CCSER1: variants seen among roughly 807,000 people sequenced by gnomAD.
CCSER1 encodes the protein serine-rich coiled-coil domain-containing protein 1.
A neutral mutation model predicts 82.0 loss-of-function variants in CCSER1; 41 were observed. The ratio of observed to expected loss-of-function variants is 0.50; its 90% CI spans 0.39 to 0.65. The LOEUF (loss-of-function observed/expected upper bound fraction) is 0.65. Among genes scored for constraint, CCSER1 ranks in the 30% least tolerant of loss-of-function variants. The pLI is 0.00. For missense variants in CCSER1, 1,119 were observed against 1,064.2 expected (o/e 1.05, Z -0.72); for synonymous variants, 414 against 383.9 (o/e 1.08, Z -0.92).
At chr4:90,271,596 T>C (rs1726284963) in intron 1 of CCSER1, among the ~76,000 whole-genome samples, 1 of 151,454 alleles carries the variant, frequency 6.6e-6, no homozygotes, top group African/African-American at 2.4e-5. Context: ...ATTTTTTGAG[T>C]AATACTCCAC....
chr4:91,155,236 A>T (rs1489833172), intron 10 of CCSER1, among the ~76,000 whole-genome samples: 1 of 151,904 alleles, frequency 6.6e-6, no homozygotes, highest in Admixed American at 6.6e-5. Context: ...TAATTGAATT[A>T]TAGGGGTAGA....
chr4:90,965,461 T>G (rs770567215), intron 9 of CCSER1, among the ~76,000 whole-genome samples: 1 of 152,088 alleles, frequency 6.6e-6, no homozygotes, highest in Non-Finnish European at 1.5e-5. Context: ...CTGCAAACCA[T>G]CAGATCGTTG....
At chr4:90,320,601 T>C (rs767318113) in intron 3 of CCSER1, among the ~76,000 whole-genome samples, 11 of 152,144 alleles carry the variant, frequency 7.2e-5, no homozygotes, top group East Asian at 1.9e-4. Context: ...AAATATAATA[T>C]CTTGGTCAAA....
At chr4:90,235,491 A>T (rs1234294877) in intron 1 of CCSER1, 1 of 152,236 alleles carries the variant, frequency 6.6e-6, no homozygotes, top group Non-Finnish European at 1.5e-5. Flanking sequence ...AAACAGGAAC[A>T]TAAACACTCG....
chr4:90,746,267 A>G (rs1747449676), intron 7 of CCSER1, among the ~76,000 whole-genome samples: 1 of 152,212 alleles, frequency 6.6e-6, no homozygotes, highest in Non-Finnish European at 1.5e-5. Context: ...GAACCAGTAC[A>G]TAGTATACTG....
intron 10 of CCSER1, among the ~76,000 whole-genome samples, chr4:91,585,785 A>G (rs77863171): frequency 6.6e-6 from 1 of 151,536 alleles, no homozygotes; most frequent in African/African-American, 2.4e-5. Flanking sequence ...TAGAAACCCA[A>G]TGATTAAAGA....
At chr4:91,179,913 G>C (rs565255994) in intron 10 of CCSER1, among the ~76,000 whole-genome samples, 1 of 152,194 alleles carries the variant, frequency 6.6e-6, no homozygotes, top group Admixed American at 6.5e-5. Context: ...CAGCTTTTCT[G>C]CTCTGGTTTC....
intron 3 of CCSER1, among the ~76,000 whole-genome samples, chr4:90,351,442 C>T (rs773991081): frequency 2.0e-5 from 3 of 151,986 alleles, no homozygotes; most frequent in Non-Finnish European, 4.4e-5. Context: ...ATGGAGAAAT[C>T]TCAAGTTGGA....
At chr4:90,318,270 C>T (rs1052826519) in intron 3 of CCSER1, among the ~76,000 whole-genome samples, 87 of 152,114 alleles carry the variant, frequency 5.7e-4, no homozygotes, top group African/African-American at 2.0e-3. Flanking sequence ...TACTTTTTTC[C>T]TTGACTCAAG....
intron 10 of CCSER1, among the ~76,000 whole-genome samples, chr4:91,434,275 G>C (rs563212183): frequency 6.6e-5 from 10 of 151,986 alleles, no homozygotes; most frequent in Non-Finnish European, 1.2e-4. Context: ...CTTAATTTAG[G>C]AATATCTTGT....
intron 8 of CCSER1, among the ~76,000 whole-genome samples, chr4:90,918,852 T>A (rs1727933450): frequency 6.6e-6 from 1 of 151,826 alleles, no homozygotes; most frequent in Admixed American, 6.6e-5. Flanking sequence ...TTAGATTGCT[T>A]GAACTGATAA....
chr4:91,219,816 A>G (rs1365364977), intron 10 of CCSER1, among the ~76,000 whole-genome samples: 2 of 152,170 alleles, frequency 1.3e-5, no homozygotes, highest in African/African-American at 4.8e-5. Flanking sequence ...ACCTAAATCC[A>G]TTAATTTTAA....
chr4:91,589,574 CTT>C (rs11411865), intron 10 of CCSER1, among the ~76,000 whole-genome samples: 16 of 144,616 alleles, frequency 1.1e-4, no homozygotes, highest in Admixed American at 1.4e-4. Flanking sequence ...ACAAGAGGCT[CTT>C]TTTTTTTTTT....
chr4:91,105,349 T>C (rs1725498391), intron 10 of CCSER1, among the ~76,000 whole-genome samples: 1 of 152,062 alleles, frequency 6.6e-6, no homozygotes, highest in African/African-American at 2.4e-5. Flanking sequence ...GAGCTTCTTG[T>C]TCTCTTCAAT....
intron 1 of CCSER1, among the ~76,000 whole-genome samples, chr4:90,187,496 A>G (rs1734831531): frequency 6.6e-6 from 1 of 151,590 alleles, no homozygotes; most frequent in South Asian, 2.1e-4. Context: ...ATATCCTGGC[A>G]CCATCGAACC....
At chr4:90,447,201 T>A (rs1374637757) in intron 4 of CCSER1, among the ~76,000 whole-genome samples, 1 of 152,174 alleles carries the variant, frequency 6.6e-6, no homozygotes, top group Non-Finnish European at 1.5e-5. Context: ...GAGAAAATGG[T>A]CCTTTTTTGT....
intron 10 of CCSER1, among the ~76,000 whole-genome samples, chr4:91,458,178 T>C (rs1470000689): frequency 6.6e-6 from 1 of 152,062 alleles, no homozygotes; most frequent in Admixed American, 6.6e-5. Context: ...TTTGTATATA[T>C]AGAGAGATAG....
rs1397528230 is a variant in CCSER1 at position 90,391,473 on chromosome 4, TATATATATATATAC to T, written c.1510-8561_1510-8548del. Among the ~76,000 whole-genome samples, 127 of 91,434 alleles carry T rather than the reference TATATATATATATAC, an allele frequency of 1.4e-3. 2 individuals carry two copies. Among genetic ancestry groups the T allele is most frequent in the African/African-American group, 8.1e-3 (122 of 15,128 alleles). The allele number at this position is 91,434 out of a possible 152,430, so 60.0% of individuals were successfully genotyped here. The stretch of plus-strand genomic sequence containing the variant: ...ATATATATATATATATATATATATA[TATATATATATATAC>T]ACACACACAGTGGGTAAATATATAT... On this transcript the variant is annotated intron_variant, in intron 3 of 10. Coordinates refer to ENST00000509176, the MANE Select transcript of CCSER1 (RefSeq NM_001145065.2).
At chr4:90,431,995 G>A (rs764013888) in intron 4 of CCSER1, among the ~76,000 whole-genome samples, 2 of 152,000 alleles carry the variant, frequency 1.3e-5, no homozygotes, top group Non-Finnish European at 2.9e-5. Context: ...CTGCTGCACG[G>A]CAGTCCACCT....
Sources: allele counts gnomAD v4.1 joint callset (sites outside exome capture counted in the v4.1 genomes callset), GRCh38; gene constraint gnomAD v4.1.1; transcripts MANE v1.5; gene names NCBI Gene and HGNC (gene_info 2026-07-23, HGNC 2026-07-21).